Variants in UBR4 observed in about 807,000 individuals in gnomAD.
The protein encoded by UBR4 is E3 ubiquitin-protein ligase UBR4.
UBR4 carries 124 observed loss-of-function variants against 575.6 expected under a neutral mutation model. The observed-to-expected ratio is 0.22, with a 90% CI of 0.19 to 0.25. UBR4 has a LOEUF of 0.25. UBR4 is among the 10% of genes least tolerant of loss of function. UBR4 has a pLI of 1.00. For missense variants in UBR4, 4,818 were observed against 6,478.8 expected (o/e 0.74, Z 8.80); for synonymous variants, 2,455 against 2,473.7 (o/e 0.99, Z 0.22).
chr1:19,151,909 T>C (rs2085771925), intron 47 of UBR4, 50 bp from the exon 48 acceptor site: 1 of 1,472,732 alleles, frequency 6.8e-7, no homozygotes, highest in Non-Finnish European at 9.1e-7. Flanking sequence ...TTCTTAAGTT[T>C]TAACTAGGAC....
intron 62 of UBR4, 78 bp from the exon 63 acceptor site, chr1:19,127,817 T>A: frequency 1.7e-6 from 2 of 1,166,970 alleles, no homozygotes; most frequent in South Asian, 1.3e-5. Context: ...TCCCTTCAAG[T>A]CAAGCCCATC....
Position 19,144,924 on chromosome 1 carries a change from CATT to C in UBR4, c.7946-20_7946-18del, listed in dbSNP as rs751840537. The C allele has an allele frequency of 1.2e-6, 2 of 1,610,942 alleles. No homozygotes were observed. The highest frequency in any genetic ancestry group is 1.1e-5 in the South Asian group (1 of 90,216). ...GAGTTAGTCCTAAAGGAGAGACAAA[CATT>C]ATTTGAAAATCTGGAGGAAAAAACT... On this transcript the variant is annotated intron_variant, in intron 53 of 105. Coordinates refer to ENST00000375254, the MANE Select transcript of UBR4 (RefSeq NM_020765.3).
intron 44 of UBR4, 98 bp from the exon 45 acceptor site, chr1:19,154,037 C>T (rs2086092399): frequency 7.5e-7 from 1 of 1,340,406 alleles, no homozygotes; most frequent in Non-Finnish European, 1.0e-6. Context: ...TACGTGACTC[C>T]AAAGCAATAT....
Position 19,157,971 on chromosome 1 carries a change from A to G in UBR4, c.5604T>C (p.Gly1868=). The G allele has an allele frequency of 6.2e-7, 1 of 1,613,552 alleles. No homozygotes were observed. Among genetic ancestry groups the G allele is most frequent in the African/African-American group, 1.3e-5 (1 of 75,066 alleles). ...LMVPTLGSQE[G]AFENVRMNYS... ...AATTCATCCGCACATTCTCAAAGGC[A>G]CCTTCCTGGGACCCTAAGGTGGGAA... The change falls in exon 40 of 106, where the codon GGT becomes GGC. Residue 1868 remains glycine (G), a synonymous_variant. Coordinates refer to ENST00000375254, the MANE Select transcript of UBR4 (RefSeq NM_020765.3). The surrounding 1 kb of genome is among the most constrained non-coding windows in gnomAD (Gnocchi z 4.4).
At chr1:19,194,391 TG>T (rs2092319465) in intron 8 of UBR4, among the ~76,000 whole-genome samples, 1 of 152,164 alleles carries the variant, frequency 6.6e-6, no homozygotes, top group South Asian at 2.1e-4. Context: ...AGGAGGTTGA[TG>T]TGGGAGGATC....
rs140267853 is a variant in UBR4, at chr1:19,164,369, G to A, written c.4584C>T (p.Asn1528=). The A allele has an allele frequency of 2.3e-4, 370 of 1,614,166 alleles. No individual in the cohort carries two copies. The highest frequency in any genetic ancestry group is 1.6e-3 in the Middle Eastern group (10 of 6,062). Residue 1528 remains asparagine (N), a synonymous_variant, in exon 33 of 106, where the codon AAC becomes AAT. Coordinates refer to ENST00000375254, the MANE Select transcript of UBR4 (RefSeq NM_020765.3). ...LTPMATEMLA[N]GDGTGFPELM... is the part of the protein sequence containing the mutation. ...GTTCAGGGAAGCCAGTCCCATCACCGTTGGCCAGCATCTCTGTTGCCATGG... is the reference window on the plus strand; with the variant it reads ...GTTCAGGGAAGCCAGTCCCATCACCATTGGCCAGCATCTCTGTTGCCATGG...
Position 19,210,058 on chromosome 1 carries a change from G to A in UBR4, c.176+15C>T. The A allele has an allele frequency of 4.6e-6, 7 of 1,536,626 alleles. No homozygotes were observed. Among genetic ancestry groups the A allele is most frequent in the Non-Finnish European group, 6.1e-6 (7 of 1,142,538 alleles). On this transcript the variant is annotated intron_variant, in intron 1 of 105. Transcript: ENST00000375254. ...CCCCACAACAGCGTCGCCCGCCAGA[G>A]CCGCCGCCCGGTACCTCTCGATGAC...
chr1:19,104,071 T>G lies in UBR4; in HGVS notation c.12901+13A>C. 6.2e-7 allele frequency: 1 copy of G among 1,613,726 alleles called. No individual in the cohort carries two copies. Among genetic ancestry groups the G allele is most frequent in the Non-Finnish European group, 8.5e-7 (1 of 1,179,778 alleles). The stretch of plus-strand genomic sequence containing the variant: ...GACAGTGCCTTAGGCTCCAGGCCAC[T>G]GGGCAGTGCTACCTGTGGTCATGTC... On this transcript the variant is annotated intron_variant, in intron 87 of 105. Coordinates refer to ENST00000375254, the MANE Select transcript of UBR4 (RefSeq NM_020765.3).
In UBR4 at chr1:19,127,745, G is replaced by A; in HGVS notation, c.9112-6C>T. The A allele has an allele frequency of 1.9e-6, 3 of 1,612,606 alleles. No individual in the cohort carries two copies. The highest frequency in any genetic ancestry group is 2.2e-5 in the East Asian group (1 of 44,870). ...TCATTCTTCTTGGAGACATCCTGCA[G>A]GCCAAAGCGTAAGTCCAGAAACCTC... On this transcript the variant is annotated splice_polypyrimidine_tract_variant and splice_region_variant and intron_variant, in intron 62 of 105. Coordinates refer to ENST00000375254, the MANE Select transcript of UBR4 (RefSeq NM_020765.3).
At chr1:19,170,713 G>A (rs1407457118) in intron 26 of UBR4, 49 bp downstream of exon 26, 2 of 1,613,346 alleles carry the variant, frequency 1.2e-6, no homozygotes, top group South Asian at 1.1e-5. Context: ...AGTACTAGCA[G>A]TAGTAGCTGT....
At chr1:19,160,835 G>T in intron 38 of UBR4, 82 bp downstream of exon 38, 1 of 1,312,184 alleles carries the variant, frequency 7.6e-7, no homozygotes, top group Non-Finnish European at 1.1e-6. Context: ...TGCAAGGGGA[G>T]CCATGTGCAT....
chr1:19,128,375 A>G, intron 61 of UBR4, 57 bp from the exon 62 acceptor site: 1 of 1,442,782 alleles, frequency 6.9e-7, no homozygotes. Context: ...AACGACTTGA[A>G]ATACGGGGTG....
At position 19,101,566 on chromosome 1, in the gene UBR4, C is replaced by T. The variant is rs1410936636; in HGVS notation, c.12977G>A (p.Arg4326Gln). The T allele has an allele frequency of 2.5e-6, 4 of 1,613,930 alleles. No homozygotes were observed. The highest frequency in any genetic ancestry group is 1.1e-5 in the South Asian group (1 of 91,078). ...CCTCTCGAAGATGAACACCGGGGTC[C>T]GGTAGTCATCCAGATTGTAGCGCTT... ...TAKRYNLDDY[R>Q]TPVFIFERLC... Residue 4326 changes from arginine to glutamine, a missense_variant, in exon 88 of 106, where the codon CGG becomes CAG. Physicochemically the swap from Arg to Gln is conservative, Grantham distance 43 (BLOSUM62 1). This residue lies in a region of UBR4 where 105 missense variants were observed against 232.8 expected (regional missense o/e 0.45). Transcript: ENST00000375254.
Position 19,122,993 on chromosome 1 carries a change from C to G in UBR4, c.9656G>C (p.Gly3219Ala). The G allele has an allele frequency of 6.2e-7, 1 of 1,614,174 alleles. No homozygotes were observed. Among genetic ancestry groups the G allele is most frequent in the Non-Finnish European group, 8.5e-7 (1 of 1,180,028 alleles). Residue 3219 changes from glycine to alanine, a missense_variant, in exon 66 of 106, where the codon GGA (glycine) becomes GCA (alanine). Transcript: ENST00000375254. ...GAGCTGGCGGTACTTCTCTTTGGAT[C>G]CACAGATGAAGAGCAGAAGTTTGCG... ...QVRKLLLFIC[G>A]SKEKYRQLRD...
At chr1:19,207,498 G>A (rs972049147) in intron 1 of UBR4, among the ~76,000 whole-genome samples, 40 of 152,216 alleles carry the variant, frequency 2.6e-4, no homozygotes, top group African/African-American at 9.1e-4. Context: ...GTCTGGTGGC[G>A]CACATCTATA....
At chr1:19,182,433 G>A (rs2091072470) in intron 17 of UBR4, among the ~76,000 whole-genome samples, 1 of 151,830 alleles carries the variant, frequency 6.6e-6, no homozygotes, top group Non-Finnish European at 1.5e-5. Context: ...GCATACTACA[G>A]CCTCAAACTC....
intron 43 of UBR4, 105 bp from the exon 44 acceptor site, chr1:19,155,180 C>T: frequency 2.0e-6 from 3 of 1,478,890 alleles, no homozygotes; most frequent in Admixed American, 1.8e-5. Flanking sequence ...TGCTCTCATA[C>T]TCTAAGCATG....
At chr1:19,160,037 C>G in intron 39 of UBR4, 74 bp downstream of exon 39, 1 of 1,563,352 alleles carries the variant, frequency 6.4e-7, no homozygotes, top group Non-Finnish European at 8.7e-7. Flanking sequence ...CTCAGAGCAT[C>G]TAGCACATTT....
In UBR4 at chr1:19,177,525, A is replaced by C; in HGVS notation, c.2573T>G (p.Leu858Arg). 1 of 1,614,152 alleles carries C rather than the reference A, an allele frequency of 6.2e-7. No homozygotes were observed. Among genetic ancestry groups the C allele is most frequent in the Non-Finnish European group, 8.5e-7 (1 of 1,180,028 alleles). The change falls in exon 19 of 106, where the codon CTC becomes CGC. Residue 858 changes from leucine (L) to arginine (R), a missense_variant. By Grantham distance (102) the Leu-to-Arg change is moderately radical (BLOSUM62 -2). This residue lies in a region of UBR4 where 1,172 missense variants were observed against 1,259.7 expected (regional missense o/e 0.93). Transcript: ENST00000375254. ...AAGCAGATAATCAAAGATGAGAAGG[A>C]GGCGAGCCAAGATAAGCGGCACGAA... ...MRFVPLILAR[L>R]LLIFDYLLHQ...
Sources: gnomAD v4.1 joint callset for allele counts (sites outside exome capture counted in the v4.1 genomes callset) on GRCh38, gnomAD v4.1.1 for gene constraint, gnomAD v4.1.1 regional missense constraint, Gnocchi (gnomAD v3.1) non-coding constraint, MANE v1.5 for transcripts, NCBI Gene and HGNC (gene_info 2026-07-23, HGNC 2026-07-21) for gene names.